TNFRSF13B: variants seen among roughly 807,000 people sequenced by gnomAD.
The protein encoded by TNFRSF13B is TNF receptor superfamily member 13B.
Under a neutral mutation model 24.0 loss-of-function variants are expected in TNFRSF13B, and 34 were observed. The ratio of observed to expected loss-of-function variants is 1.41; its 90% CI spans 1.08 to 1.88. TNFRSF13B has a LOEUF of 1.88. Ranked by LOEUF, TNFRSF13B falls within the 40% of genes most tolerant of loss-of-function variation. TNFRSF13B has a pLI of 0.00. For synonymous variants in TNFRSF13B, 173 were observed against 150.3 expected (o/e 1.15, Z -1.10); for missense variants, 415 against 380.8 (o/e 1.09, Z -0.75).
intron 1 of TNFRSF13B, among the ~76,000 whole-genome samples, chr17:16,971,085 T>C (rs376378682): frequency 1.4e-4 from 21 of 152,198 alleles, no homozygotes; most frequent in African/African-American, 4.8e-4. Flanking sequence ...CCGTGGCTCA[T>C]GCCTGTAATC....
chr17:16,967,751 CAAAA>C (rs975103327), intron 1 of TNFRSF13B, among the ~76,000 whole-genome samples: 61 of 24,494 alleles, frequency 2.5e-3, no homozygotes, highest in African/African-American at 6.1e-3. Context: ...GACTCCGTCT[CAAAA>C]AAAAAAAAAA....
chr17:16,966,952 C>T (rs890173883), intron 1 of TNFRSF13B, among the ~76,000 whole-genome samples: 27 of 149,876 alleles, frequency 1.8e-4, no homozygotes, highest in African/African-American at 6.2e-4. Flanking sequence ...GATTCTCTTG[C>T]CTCAGCCTTC....
intron 1 of TNFRSF13B, among the ~76,000 whole-genome samples, chr17:16,971,469 A>G (rs2087744304): frequency 6.6e-6 from 1 of 152,216 alleles, no homozygotes; most frequent in South Asian, 2.1e-4. Flanking sequence ...AACATAGCCA[A>G]AAGTCTAATG....
chr17:16,940,598 T>G (rs2143642694), intron 3 of TNFRSF13B, 87 bp from the exon 4 acceptor site: 2 of 1,544,902 alleles, frequency 1.3e-6, no homozygotes, highest in Non-Finnish European at 1.7e-6. Flanking sequence ...CCCATCCCCC[T>G]GCTGTGAGCC....
chr17:16,941,175 C>T, intron 3 of TNFRSF13B: 1 of 960,968 alleles, frequency 1.0e-6, no homozygotes, highest in Non-Finnish European at 1.2e-6. Context: ...ATGCAACTAT[C>T]CCCTATCTTT....
Position 16,948,992 on chromosome 17 carries a change from G to A in TNFRSF13B, c.200-9C>T. 1.2e-6 allele frequency: 2 copies of A among 1,613,934 alleles called. No individual in the cohort carries two copies. The highest frequency in any genetic ancestry group is 1.7e-6 in the Non-Finnish European group (2 of 1,179,996). The stretch of plus-strand genomic sequence containing the variant: ...GCGGCAGCTGAGTGACCCTGGGAGA[G>A]AGAAATTCATGATACTGCTGGGTGA... On this transcript the variant is annotated splice_polypyrimidine_tract_variant and intron_variant, in intron 2 of 4. Coordinates refer to ENST00000261652, the MANE Select transcript of TNFRSF13B (RefSeq NM_012452.3).
At chr17:16,970,817 C>T (rs2087738436) in intron 1 of TNFRSF13B, among the ~76,000 whole-genome samples, 1 of 152,182 alleles carries the variant, frequency 6.6e-6, no homozygotes, top group Admixed American at 6.5e-5. Context: ...CTGCCTTGTC[C>T]AAGTCTCTCA....
intron 1 of TNFRSF13B, among the ~76,000 whole-genome samples, chr17:16,959,075 G>A (rs2087644196): frequency 6.6e-6 from 1 of 151,772 alleles, no homozygotes; most frequent in South Asian, 2.1e-4. Flanking sequence ...ACAAAACAAG[G>A]CTAAACTTTA....
At chr17:16,970,582 G>C (rs1054045930) in intron 1 of TNFRSF13B, among the ~76,000 whole-genome samples, 3 of 152,220 alleles carry the variant, frequency 2.0e-5, no homozygotes, top group Non-Finnish European at 4.4e-5. Flanking sequence ...AAGCACTTTT[G>C]TGTGTTTGAG....
intron 1 of TNFRSF13B, among the ~76,000 whole-genome samples, chr17:16,956,382 T>G (rs1185680322): frequency 6.6e-6 from 1 of 151,862 alleles, no homozygotes; most frequent in Non-Finnish European, 1.5e-5. Context: ...AGCAGCAGTT[T>G]TGCCACATTT....
chr17:16,950,777 C>G (rs942189137), intron 2 of TNFRSF13B, among the ~76,000 whole-genome samples: 6 of 152,150 alleles, frequency 3.9e-5, no homozygotes, highest in Non-Finnish European at 8.8e-5. Context: ...TCCCCTCCCC[C>G]GCCTGGGACT....
intron 3 of TNFRSF13B, chr17:16,941,107 T>A: frequency 1.6e-6 from 1 of 630,148 alleles, no homozygotes; most frequent in Non-Finnish European, 2.0e-6. Flanking sequence ...AGAAGGGTGT[T>A]ATACTGTATT....
rs148297590 is a variant in TNFRSF13B, at chr17:16,972,005, G to T, written c.61+10C>A. On this transcript the variant is annotated intron_variant, in intron 1 of 4. Coordinates refer to ENST00000261652, the MANE Select transcript of TNFRSF13B (RefSeq NM_012452.3). The stretch of plus-strand genomic sequence containing the variant: ...CACCTGCCCTCCTGCCCTCCTGCCC[G>T]GCTACTCACAGCGCTCCTCCTGGTC... The T allele has an allele frequency of 1.2e-6, 2 of 1,613,898 alleles. No homozygotes were observed. The highest frequency in any genetic ancestry group is 1.1e-5 in the South Asian group (1 of 91,070).
intron 3 of TNFRSF13B, among the ~76,000 whole-genome samples, chr17:16,947,157 C>CA (rs920321581): frequency 1.8e-4 from 27 of 151,394 alleles, no homozygotes; most frequent in African/African-American, 3.6e-4. Flanking sequence ...GACACAACAA[C>CA]AAAAAAAAGA....
rs1462091258 is a variant in TNFRSF13B, at chr17:16,966,123, G to A, written c.61+5892C>T. Among the ~76,000 whole-genome samples, 4 of 152,070 alleles carry A rather than the reference G, an allele frequency of 2.6e-5. No homozygotes were observed. In the East Asian group the frequency reaches 5.8e-4, roughly 22 times the overall value. On this transcript the variant is annotated intron_variant, in intron 1 of 4. Coordinates refer to ENST00000261652, the MANE Select transcript of TNFRSF13B (RefSeq NM_012452.3). ...ACAAAAATTAGCTGGGCATGGTGGT[G>A]TGCGCCTGTAATCCCAGCTACTCAG...
intron 3 of TNFRSF13B, among the ~76,000 whole-genome samples, chr17:16,942,930 C>T (rs2087522110): frequency 6.6e-6 from 1 of 152,220 alleles, no homozygotes; most frequent in African/African-American, 2.4e-5. Context: ...CCACTCCAGG[C>T]CTCTGCCTCA....
chr17:16,957,873 A>G (rs1314170940), intron 1 of TNFRSF13B, among the ~76,000 whole-genome samples: 1 of 152,250 alleles, frequency 6.6e-6, no homozygotes, highest in Non-Finnish European at 1.5e-5. Context: ...TCATGCTGAA[A>G]TAAAAGTACT....
At chr17:16,955,228 G>T (rs2087616610) in intron 1 of TNFRSF13B, among the ~76,000 whole-genome samples, 2 of 152,214 alleles carry the variant, frequency 1.3e-5, no homozygotes, top group African/African-American at 4.8e-5. Flanking sequence ...TGATATGGGA[G>T]CACTGCCTCT....
At position 16,966,839 on chromosome 17, in the gene TNFRSF13B, C is replaced by CT. The variant is rs71152837; in HGVS notation, c.61+5175dup. Reference sequence around the variant, plus strand: ...TTTTTGTTTTTTCTTTTTCTTTTTTCTTTTTTTTTTTTTTTTTGAGATGGA... The same window carrying CT: ...TTTTTGTTTTTTCTTTTTCTTTTTTCTTTTTTTTTTTTTTTTTTGAGATGGA... On this transcript the variant is annotated intron_variant, in intron 1 of 4. Transcript: ENST00000261652. Among the ~76,000 whole-genome samples, 472 of 47,350 alleles carry CT rather than the reference C, an allele frequency of 1.0e-2. 5 individuals carry two copies. Among genetic ancestry groups the CT allele is most frequent in the Non-Finnish European group, 0.015 (359 of 23,324 alleles). The allele number at this position is 47,350 out of a possible 152,430, so 31.1% of individuals were successfully genotyped here. A position where few individuals can be genotyped will look rare whatever the true frequency, so the allele number is the denominator to read the frequency against.
Sources: allele counts gnomAD v4.1 joint callset (sites outside exome capture counted in the v4.1 genomes callset), GRCh38; gene constraint gnomAD v4.1.1; transcripts MANE v1.5; gene names NCBI Gene and HGNC (gene_info 2026-07-23, HGNC 2026-07-21).